RIF1: variants seen among roughly 807,000 people sequenced by gnomAD.
The protein encoded by RIF1 is telomere-associated protein RIF1.
A neutral mutation model predicts 247.1 loss-of-function variants in RIF1; 45 were observed. That is an observed-to-expected ratio of 0.18 (90% CI 0.14 to 0.23). The LOEUF (loss-of-function observed/expected upper bound fraction) is 0.23, where lower values mean the gene tolerates loss of function less well. RIF1 is among the 10% of genes least tolerant of loss of function. The pLI, the probability that RIF1 is intolerant of heterozygous loss-of-function variation, is 1.00. For missense variants in RIF1, 2,967 were observed against 2,862.5 expected (o/e 1.04, Z -0.83); for synonymous variants, 1,087 against 978.8 (o/e 1.11, Z -2.06).
At chr2:151,529,731 G>A in the RIF1 span, among the ~76,000 whole-genome samples, 3 of 152,092 alleles carry the variant, frequency 2.0e-5, no homozygotes, top group Admixed American at 6.5e-5. Context: ...GTTTCGCCAC[G>A]TTGGCCAGGC....
chr2:151,482,552 C>G (rs989226552), downstream of RIF1, among the ~76,000 whole-genome samples: 10 of 152,112 alleles, frequency 6.6e-5, no homozygotes, highest in Admixed American at 5.2e-4. Flanking sequence ...AGAGGTGGCA[C>G]TGCCAGGCTA....
chr2:151,508,153 G>C (rs2070830131), downstream of RIF1: 1 of 1,368,626 alleles, frequency 7.3e-7, no homozygotes, highest in Non-Finnish European at 1.0e-6. Flanking sequence ...ACACCACAGG[G>C]ATATAGGCCA....
chr2:151,494,515 C>G (rs150355941), intron 9 of RIF1, among the ~76,000 whole-genome samples: 8 of 152,272 alleles, frequency 5.3e-5, no homozygotes, highest in Middle Eastern at 6.8e-3. Context: ...AAACCACCAT[C>G]ATTTTACCGC....
At position 151,463,077 on chromosome 2, in the gene RIF1, A is replaced by T. The variant is rs1298197519; in HGVS notation, c.3557A>T (p.Glu1186Val). 6 of 1,613,816 alleles carry T rather than the reference A, an allele frequency of 3.7e-6. No individual in the cohort carries two copies. In the Admixed American group the frequency reaches 1.0e-4, roughly 27 times the overall value. Residue 1186 changes from glutamate (E) to valine (V), a missense_variant, in exon 30 of 36, where the codon GAA (glutamate) becomes GTA (valine). Physicochemically the swap from Glu to Val is moderately radical, Grantham distance 121. Around this residue, in one of 7 missense-constraint regions of RIF1, gnomAD observed 2,028 missense variants for 1,825.6 expected, o/e 1.11. Coordinates refer to ENST00000444746, the MANE Select transcript of RIF1 (RefSeq NM_018151.5). ...ALISSRKTST[E>V]CASSTENSFV... ...ATTTCATCAAGGAAAACATCAACTGAATGTGCATCTAGTACAGAAAATTCT... is the reference window on the plus strand; with the variant it reads ...ATTTCATCAAGGAAAACATCAACTGTATGTGCATCTAGTACAGAAAATTCT...
the RIF1 span, chr2:151,534,263 A>G: frequency 6.2e-7 from 1 of 1,613,794 alleles, no homozygotes; most frequent in Non-Finnish European, 8.5e-7. Context: ...GTCTAGGCTC[A>G]TCGACTACCA....
At chr2:151,445,188 C>T (rs1056741527) in intron 18 of RIF1, 150 bp from the exon 19 acceptor site, 10 of 623,200 alleles carry the variant, frequency 1.6e-5, no homozygotes, top group Admixed American at 8.1e-5. Context: ...AGACTACATG[C>T]GTAGGTTCGA....
chr2:151,501,688 A>AAAAC (rs1442671601), intron 11 of RIF1, among the ~76,000 whole-genome samples: 3 of 152,236 alleles, frequency 2.0e-5, no homozygotes, highest in East Asian at 3.8e-4. Context: ...AGACATCAGT[A>AAAAC]AAACACAGCT....
At chr2:151,422,449 AACTC>A (rs1301826763) in intron 7 of RIF1, among the ~76,000 whole-genome samples, 2 of 152,072 alleles carry the variant, frequency 1.3e-5, no homozygotes, top group Admixed American at 6.6e-5. Context: ...TTACTGTAAA[AACTC>A]ACTCGGATTT....
At chr2:151,458,141 CT>C (rs2152470973) in intron 24 of RIF1, among the ~76,000 whole-genome samples, 178 bp downstream of exon 24, 1 of 151,046 alleles carries the variant, frequency 6.6e-6, no homozygotes, top group South Asian at 2.1e-4. Context: ...TTCATTGGTG[CT>C]TAGAATAATC....
At chr2:151,502,398 A>AACTT (rs2065357355) in intron 11 of RIF1, among the ~76,000 whole-genome samples, 1 of 152,152 alleles carries the variant, frequency 6.6e-6, no homozygotes, top group Non-Finnish European at 1.5e-5. Context: ...AAAAAAAAAA[A>AACTT]AACTTAAAAG....
intron 34 of RIF1, among the ~76,000 whole-genome samples, chr2:151,471,100 C>G (rs1443529032): frequency 6.6e-6 from 1 of 152,104 alleles, no homozygotes; most frequent in Admixed American, 6.6e-5. Context: ...CAGCCAATGC[C>G]TACTTTTCCT....
At chr2:151,447,190 G>A (rs1302065741) in intron 20 of RIF1, among the ~76,000 whole-genome samples, 8 of 152,084 alleles carry the variant, frequency 5.3e-5, no homozygotes, top group African/African-American at 1.4e-4. Context: ...TGATCCGCCC[G>A]CCTCGGCCTC....
At chr2:151,531,308 CTTTTTTTTTTTTTTTTT>C in the RIF1 span, among the ~76,000 whole-genome samples, 2 of 84,010 alleles carry the variant, frequency 2.4e-5, no homozygotes, top group South Asian at 4.4e-4. Flanking sequence ...TTTTTTCTTT[CTTTTTTTTTTTTTTTTT>C]TTTTTTTTTG....
rs117741457 is a variant in RIF1, at chr2:151,413,833, A to G, written c.184-990A>G. On this transcript the variant is annotated intron_variant, in intron 3 of 35. Coordinates refer to ENST00000444746, the MANE Select transcript of RIF1 (RefSeq NM_018151.5). Reference sequence around the variant, plus strand: ...CTATTCTTCCTGCTCAAGAATAACAATTGAAGATTCCTTGGATATTTGATT... The same window carrying G: ...CTATTCTTCCTGCTCAAGAATAACAGTTGAAGATTCCTTGGATATTTGATT... 1.5e-3 allele frequency among the ~76,000 whole-genome samples: 222 copies of G among 152,348 alleles called. 2 individuals carry two copies. In the East Asian group the frequency reaches 0.037, roughly 26 times the overall value.
chr2:151,481,642 G>GA lies in RIF1; in HGVS notation c.*6571_*6572insA, dbSNP rs1276547955. 1 of 152,222 alleles carries GA rather than the reference G, an allele frequency of 6.6e-6. No homozygotes were observed. The highest frequency in any genetic ancestry group is 1.5e-5 in the Non-Finnish European group (1 of 68,042). 9.4% of individuals were successfully genotyped at this position (152,222 alleles called of 1,614,324 possible). ...AGTCTTAAAAATGATTTAAGTTGAA[G>GA]CCTAACAGAAGTACTTGTTCATTCC... On this transcript the variant is annotated 3_prime_UTR_variant, in exon 36 of 36. Coordinates refer to ENST00000444746, the MANE Select transcript of RIF1 (RefSeq NM_018151.5).
In RIF1 at chr2:151,479,317, T is replaced by C. The variant is rs985952566; in HGVS notation, c.*4246T>C. 1 of 152,230 alleles carries C rather than the reference T, an allele frequency of 6.6e-6. No homozygotes were observed. Among genetic ancestry groups the C allele is most frequent in the Non-Finnish European group, 1.5e-5 (1 of 68,036 alleles). 9.4% of individuals were successfully genotyped at this position (152,230 alleles called of 1,614,324 possible). ...TTAAAAATATGGACGATTTATTTTTTAAGTAGGCAGACTAAGAATTTCAAG... is the reference window on the plus strand; with the variant it reads ...TTAAAAATATGGACGATTTATTTTTCAAGTAGGCAGACTAAGAATTTCAAG... On this transcript the variant is annotated 3_prime_UTR_variant, in exon 36 of 36. Transcript: ENST00000444746.
intron 7 of RIF1, 147 bp from the exon 8 acceptor site, chr2:151,422,803 C>G: frequency 1.8e-6 from 1 of 542,726 alleles, no homozygotes; most frequent in Admixed American, 3.5e-5. Context: ...AGGCTTGACC[C>G]ACCGCACCTG....
the RIF1 span, among the ~76,000 whole-genome samples, chr2:151,521,844 G>GTTCA: frequency 1.3e-5 from 2 of 152,162 alleles, no homozygotes; most frequent in Non-Finnish European, 2.9e-5. Flanking sequence ...ATGAATCTGA[G>GTTCA]TTCAGCACTT....
At chr2:151,495,858 AC>A in intron 10 of RIF1, among the ~76,000 whole-genome samples, 1 of 152,292 alleles carries the variant, frequency 6.6e-6, no homozygotes, top group East Asian at 1.9e-4. Flanking sequence ...TCCAAATCTG[AC>A]AGGGTAAATT....
Sources: gnomAD v4.1 joint callset for allele counts (sites outside exome capture counted in the v4.1 genomes callset) on GRCh38, gnomAD v4.1.1 for gene constraint, gnomAD v4.1.1 regional missense constraint, MANE v1.5 for transcripts, NCBI Gene and HGNC (gene_info 2026-07-23, HGNC 2026-07-21) for gene names.